The following MEIS2 variants were observed in gnomAD, a reference collection of about 807,000 sequenced individuals.
The protein encoded by MEIS2 is Meis homeobox 2.
Under a neutral mutation model 58.6 loss-of-function variants are expected in MEIS2, and 9 were observed. The observed-to-expected ratio is 0.15, with a 90% CI of 0.09 to 0.27. The LOEUF is 0.27. Ranked by LOEUF, MEIS2 falls within the 10% of genes least tolerant of loss-of-function variation. The probability of loss-of-function intolerance (pLI) is 1.00; values close to 1 mark genes in which losing one functional copy is unlikely to be tolerated. For synonymous variants in MEIS2, 221 were observed against 228.4 expected (o/e 0.97, Z 0.29); for missense variants, 427 against 635.0 (o/e 0.67, Z 3.52).
chr15:36,945,511 G>A (rs1451318098), intron 9 of MEIS2, among the ~76,000 whole-genome samples: 4 of 152,034 alleles, frequency 2.6e-5, no homozygotes, highest in Non-Finnish European at 5.9e-5. Context: ...CTTCCTGAAG[G>A]GAAAGAGAAG....
intron 8 of MEIS2, among the ~76,000 whole-genome samples, chr15:36,976,230 G>A (rs989477286): frequency 2.6e-5 from 4 of 151,734 alleles, no homozygotes; most frequent in East Asian, 2.0e-4. Context: ...GATTACAGGC[G>A]GCCACCACCA....
At chr15:37,017,105 C>T (rs1453013410) in intron 8 of MEIS2, among the ~76,000 whole-genome samples, 1 of 152,168 alleles carries the variant, frequency 6.6e-6, no homozygotes, top group Non-Finnish European at 1.5e-5. Context: ...CATTCCCCTC[C>T]AATCTCTTTG....
chr15:37,055,577 C>A (rs1888284951), intron 7 of MEIS2, among the ~76,000 whole-genome samples: 1 of 152,172 alleles, frequency 6.6e-6, no homozygotes, highest in Non-Finnish European at 1.5e-5. Context: ...AAAATTGATT[C>A]ATCTCACTGA....
intron 7 of MEIS2, among the ~76,000 whole-genome samples, chr15:37,074,994 G>A (rs908930258): frequency 2.6e-5 from 4 of 151,950 alleles, no homozygotes; most frequent in African/African-American, 4.8e-5. Flanking sequence ...GTAGAAAATC[G>A]ACAACAGGAG....
chr15:37,099,228 G>GGC, intron 1 of MEIS2: 1 of 1,432,546 alleles, frequency 7.0e-7, no homozygotes, highest in Non-Finnish European at 9.1e-7. Flanking sequence ...CACAGCGCTG[G>GGC]AACACGCGCG....
At chr15:37,033,670 C>T (rs748265786) in intron 8 of MEIS2, among the ~76,000 whole-genome samples, 6 of 152,064 alleles carry the variant, frequency 3.9e-5, no homozygotes, top group South Asian at 2.1e-4. Context: ...CTTTGAAAGT[C>T]GAAATTAATT....
At chr15:36,914,702 G>A (rs564943749) in intron 9 of MEIS2, among the ~76,000 whole-genome samples, 21 of 152,280 alleles carry the variant, frequency 1.4e-4, no homozygotes, top group African/African-American at 5.1e-4. Context: ...AGTGGCTTGA[G>A]GGTAGTAAGA....
At chr15:36,933,445 C>A (rs2058054034) in intron 9 of MEIS2, among the ~76,000 whole-genome samples, 1 of 152,118 alleles carries the variant, frequency 6.6e-6, no homozygotes, top group Non-Finnish European at 1.5e-5. Flanking sequence ...TCTCCTCCAT[C>A]AAGTCATTTT....
At chr15:36,916,404 G>C (rs988172249) in intron 9 of MEIS2, among the ~76,000 whole-genome samples, 10 of 149,320 alleles carry the variant, frequency 6.7e-5, no homozygotes, top group African/African-American at 2.2e-4. Context: ...TCCAGCCTGG[G>C]TGATGGAGCG....
At chr15:36,998,061 T>C (rs963313483) in intron 8 of MEIS2, among the ~76,000 whole-genome samples, 1 of 152,144 alleles carries the variant, frequency 6.6e-6, no homozygotes, top group East Asian at 1.9e-4. Flanking sequence ...AGATGTTCTC[T>C]TCTTCAGTTC....
At chr15:37,088,555 A>G (rs374820817) in intron 6 of MEIS2, among the ~76,000 whole-genome samples, 51 of 152,204 alleles carry the variant, frequency 3.4e-4, no homozygotes, top group African/African-American at 1.2e-3. Flanking sequence ...AAATGTTGGA[A>G]TTTCAACTCC....
intron 8 of MEIS2, among the ~76,000 whole-genome samples, chr15:36,953,598 C>A (rs2058841833): frequency 6.6e-6 from 1 of 152,064 alleles, no homozygotes; most frequent in African/African-American, 2.4e-5. Context: ...AAGAAAGAGC[C>A]AGCATAGGTT....
chr15:37,007,352 G>A (rs572563700), intron 8 of MEIS2, among the ~76,000 whole-genome samples: 97 of 152,158 alleles, frequency 6.4e-4, no homozygotes, highest in African/African-American at 2.3e-3. Flanking sequence ...AACATAGCAA[G>A]GTCCCATCTC....
At chr15:37,058,830 T>C (rs1286289207) in intron 7 of MEIS2, among the ~76,000 whole-genome samples, 2 of 152,228 alleles carry the variant, frequency 1.3e-5, no homozygotes, top group African/African-American at 4.8e-5. Context: ...GTTGATTTCC[T>C]GCATTTCCAA....
intron 7 of MEIS2, among the ~76,000 whole-genome samples, chr15:37,071,810 T>G (rs1890745801): frequency 6.6e-6 from 1 of 152,110 alleles, no homozygotes; most frequent in East Asian, 1.9e-4. Flanking sequence ...ACATTGCCTG[T>G]GAGTGCTCTA....
At chr15:37,096,613 G>A in intron 2 of MEIS2, 183 bp from the exon 3 acceptor site, 1 of 626,808 alleles carries the variant, frequency 1.6e-6, no homozygotes, top group Non-Finnish European at 2.5e-6. Context: ...AGGGAAAAGG[G>A]CCTGGCCCTC....
intron 7 of MEIS2, among the ~76,000 whole-genome samples, chr15:37,052,803 T>G (rs1173076469): frequency 6.6e-6 from 1 of 152,212 alleles, no homozygotes; most frequent in Non-Finnish European, 1.5e-5. Flanking sequence ...ATCTTCTTCC[T>G]TATTCTTCCG....
chr15:36,954,903 G>C (rs1292072660), intron 8 of MEIS2, among the ~76,000 whole-genome samples: 1 of 152,200 alleles, frequency 6.6e-6, no homozygotes, highest in Non-Finnish European at 1.5e-5. Context: ...ATTTTATAGA[G>C]TTAATCCAGG....
intron 8 of MEIS2, among the ~76,000 whole-genome samples, chr15:37,002,785 G>A (rs1206971663): frequency 6.6e-6 from 1 of 152,154 alleles, no homozygotes; most frequent in African/African-American, 2.4e-5. Context: ...ATGTAATGAA[G>A]TATTTCCATT....
Sources: allele counts gnomAD v4.1 joint callset (sites outside exome capture counted in the v4.1 genomes callset), GRCh38; gene constraint gnomAD v4.1.1; transcripts MANE v1.5; gene names NCBI Gene and HGNC (gene_info 2026-07-23, HGNC 2026-07-21).